Variants in VPS13B observed in about 807,000 individuals in gnomAD.
VPS13B encodes intermembrane lipid transfer protein VPS13B.
In VPS13B, 285 loss-of-function variants were observed where a neutral mutation model predicts 426.4. The ratio of observed to expected loss-of-function variants is 0.67; its 90% CI spans 0.61 to 0.74. The LOEUF (loss-of-function observed/expected upper bound fraction) is 0.74, where lower values mean the gene tolerates loss of function less well. VPS13B is among the 30% of genes least tolerant of loss of function. The pLI is 0.00. For missense variants in VPS13B, 4,537 were observed against 4,782.6 expected (o/e 0.95, Z 1.51); for synonymous variants, 1,676 against 1,676.4 (o/e 1.00, Z 0.01).
At chr8:99,034,928 C>T (rs1842677837) in intron 2 of VPS13B, among the ~76,000 whole-genome samples, 1 of 152,108 alleles carries the variant, frequency 6.6e-6, no homozygotes, top group Admixed American at 6.5e-5. Flanking sequence ...GGCATGGTAG[C>T]TCGTGCCTGC....
intron 6 of VPS13B, among the ~76,000 whole-genome samples, chr8:99,114,250 C>G (rs1299784562): frequency 6.6e-6 from 1 of 151,272 alleles, no homozygotes; most frequent in Non-Finnish European, 1.5e-5. Context: ...CTATGTCATA[C>G]TCTTATTATC....
At chr8:99,264,281 A>T (rs549345946) in intron 17 of VPS13B, among the ~76,000 whole-genome samples, 46 of 151,238 alleles carry the variant, frequency 3.0e-4, no homozygotes, top group African/African-American at 1.1e-3. Flanking sequence ...GATGTCTTGA[A>T]ATTTCCTTTT....
chr8:99,870,284 T>C (rs1330720219), intron 59 of VPS13B, among the ~76,000 whole-genome samples: 6 of 152,078 alleles, frequency 3.9e-5, no homozygotes, highest in Non-Finnish European at 8.8e-5. Context: ...TCCTCCCACC[T>C]CAGCCTCTGG....
At chr8:99,875,030 A>AGTT (rs1432871503) in intron 61 of VPS13B, 1 of 281,354 alleles carries the variant, frequency 3.6e-6, no homozygotes, top group African/African-American at 2.2e-5. Flanking sequence ...TTCAGTGCTG[A>AGTT]GTTTAATGTT....
chr8:99,836,157 A>G (rs891003151), intron 54 of VPS13B, among the ~76,000 whole-genome samples: 3 of 152,208 alleles, frequency 2.0e-5, no homozygotes, highest in African/African-American at 7.2e-5. Context: ...CCCCACAAAT[A>G]TAAGTACAGT....
At chr8:99,090,256 A>G (rs949319739) in intron 3 of VPS13B, among the ~76,000 whole-genome samples, 1 of 150,428 alleles carries the variant, frequency 6.6e-6, no homozygotes, top group African/African-American at 2.5e-5. Flanking sequence ...TGTGACATGT[A>G]TAATCATAAA....
chr8:99,153,493 A>G (rs1245509153), intron 14 of VPS13B, among the ~76,000 whole-genome samples: 3 of 151,970 alleles, frequency 2.0e-5, no homozygotes, highest in Admixed American at 1.3e-4. Flanking sequence ...TGTTTGTCCT[A>G]GAATTTGCAT....
At chr8:99,314,775 T>TA (rs750556018) in intron 19 of VPS13B, among the ~76,000 whole-genome samples, 3 of 152,170 alleles carry the variant, frequency 2.0e-5, no homozygotes, top group Non-Finnish European at 2.9e-5. Flanking sequence ...GAGCTAATGA[T>TA]ATTTGCTTTA....
chr8:99,215,429 C>G (rs953009519), intron 17 of VPS13B, among the ~76,000 whole-genome samples: 1 of 152,144 alleles, frequency 6.6e-6, no homozygotes, highest in Non-Finnish European at 1.5e-5. Context: ...GTCCTTAAGA[C>G]CATCCTTACT....
chr8:99,016,511 T>C (rs139131019), intron 2 of VPS13B, among the ~76,000 whole-genome samples: 214 of 151,836 alleles, frequency 1.4e-3, no homozygotes, highest in African/African-American at 4.9e-3. Flanking sequence ...GCTATCTTTT[T>C]TTTTTTTTGT....
chr8:99,616,875 T>C (rs1459162543), intron 33 of VPS13B, among the ~76,000 whole-genome samples: 1 of 152,164 alleles, frequency 6.6e-6, no homozygotes, highest in Non-Finnish European at 1.5e-5. Flanking sequence ...TATAAAGGAC[T>C]TTTTCCCCCA....
chr8:99,608,793 C>G (rs1371995259), intron 33 of VPS13B, among the ~76,000 whole-genome samples: 5 of 151,986 alleles, frequency 3.3e-5, no homozygotes, highest in Non-Finnish European at 5.9e-5. Flanking sequence ...AGTGTAATGT[C>G]TATATTATTC....
chr8:99,853,534 C>T lies in VPS13B; in HGVS notation c.10145C>T (p.Ala3382Val), dbSNP rs763374935. The change falls in exon 56 of 62, where the codon GCA becomes GTA. Residue 3382 changes from alanine (A) to valine (V), a missense_variant. Around this residue, in one of 2 missense-constraint regions of VPS13B, gnomAD observed 4,311 missense variants for 4,474.3 expected, o/e 0.96. Transcript: ENST00000357162. ...AVFDDLTHHK[A>V]SAELLRLTLD... ...TTTGATGACCTCACCCACCACAAAGCATCAGCTGAGCTTCTGAGACTCACA... is the reference window on the plus strand; with the variant it reads ...TTTGATGACCTCACCCACCACAAAGTATCAGCTGAGCTTCTGAGACTCACA... 1.2e-6 allele frequency: 2 copies of T among 1,614,204 alleles called. No individual in the cohort carries two copies. The highest frequency in any genetic ancestry group is 2.2e-5 in the South Asian group (2 of 91,078).
chr8:99,408,163 G>A (rs939009809), intron 21 of VPS13B, among the ~76,000 whole-genome samples: 1 of 152,134 alleles, frequency 6.6e-6, no homozygotes, highest in Non-Finnish European at 1.5e-5. Context: ...GAGCAAGATG[G>A]GATGGCATTT....
At chr8:99,073,574 G>A (rs187329224) in intron 3 of VPS13B, among the ~76,000 whole-genome samples, 9 of 151,698 alleles carry the variant, frequency 5.9e-5, no homozygotes, top group African/African-American at 2.2e-4. Context: ...TGTTGATTTT[G>A]TATCCTGCAC....
chr8:99,345,365 T>C (rs1811482464), intron 19 of VPS13B, among the ~76,000 whole-genome samples: 1 of 152,218 alleles, frequency 6.6e-6, no homozygotes, highest in Non-Finnish European at 1.5e-5. Context: ...AAGGACCACA[T>C]AGTAACTATT....
chr8:99,526,532 C>T (rs1429438016), intron 30 of VPS13B, among the ~76,000 whole-genome samples: 2 of 151,894 alleles, frequency 1.3e-5, no homozygotes, highest in African/African-American at 4.8e-5. Context: ...GAGGTAGAGC[C>T]AAGAGAATTT....
At chr8:99,146,846 A>G (rs1810758289) in intron 13 of VPS13B, among the ~76,000 whole-genome samples, 1 of 152,130 alleles carries the variant, frequency 6.6e-6, no homozygotes, top group Admixed American at 6.5e-5. Flanking sequence ...CTGGGATTAT[A>G]GGCATGAACC....
intron 43 of VPS13B, among the ~76,000 whole-genome samples, chr8:99,794,552 T>A (rs1812712368): frequency 6.6e-6 from 1 of 152,212 alleles, no homozygotes; most frequent in Non-Finnish European, 1.5e-5. Context: ...TTTGTGCACA[T>A]GGCTCCAGCC....
Sources: allele counts gnomAD v4.1 joint callset (sites outside exome capture counted in the v4.1 genomes callset), GRCh38; gene constraint gnomAD v4.1.1; regional missense constraint gnomAD v4.1.1; transcripts MANE v1.5; gene names NCBI Gene and HGNC (gene_info 2026-07-23, HGNC 2026-07-21).